TTN: variants seen among roughly 807,000 people sequenced by gnomAD.
TTN encodes the protein connectin.
Under a neutral mutation model 3,223.0 loss-of-function variants are expected in TTN, and 1,525 were observed. The observed-to-expected ratio is 0.47, with a 90% CI of 0.45 to 0.49. The LOEUF is 0.49. Among genes scored for constraint, TTN ranks in the 20% least tolerant of loss-of-function variants. The probability of loss-of-function intolerance (pLI) is 0.00; values close to 1 mark genes in which losing one functional copy is unlikely to be tolerated. For synonymous variants in TTN, 14,094 were observed against 15,161.0 expected, an observed-to-expected ratio of 0.93 and a Z score of 5.17; for missense variants, 40,786 against 43,424.0, an observed-to-expected ratio of 0.94 and a Z score of 5.40.
intron 49 of TTN, 93 bp from the exon 50 acceptor site, chr2:178,736,167 T>C (rs1461853435): frequency 1.7e-6 from 2 of 1,161,916 alleles, no homozygotes; most frequent in African/African-American, 3.1e-5. Context: ...ATGAGTTAAG[T>C]CTTTAGATAG....
chr2:178,597,046 A>C (rs28715837), intron 294 of TTN, among the ~76,000 whole-genome samples: 6,101 of 152,240 alleles, frequency 0.04, 315 homozygotes, highest in South Asian at 0.16. Flanking sequence ...AATGGTCAGC[A>C]CTGGCAAATT....
At chr2:178,743,750 A>G (rs2082919826) in intron 47 of TTN, among the ~76,000 whole-genome samples, 1 of 152,006 alleles carries the variant, frequency 6.6e-6, no homozygotes, top group Non-Finnish European at 1.5e-5. Flanking sequence ...GACTAAGTGC[A>G]GAATAAATCT....
At chr2:178,632,084 T>C in intron 236 of TTN, 63 bp downstream of exon 236, 1 of 1,470,544 alleles carries the variant, frequency 6.8e-7, no homozygotes, top group Non-Finnish European at 9.0e-7. Flanking sequence ...TTTTATAGAA[T>C]AGATACTCCA....
intron 239 of TTN, among the ~76,000 whole-genome samples, chr2:178,629,754 A>G (rs1169462496): frequency 1.3e-5 from 2 of 152,090 alleles, no homozygotes; most frequent in Non-Finnish European, 2.9e-5. Context: ...AAAATAACTA[A>G]GACTCTGATT....
In TTN at chr2:178,783,049, T is replaced by G; in HGVS notation, c.2857A>C (p.Thr953Pro). 1.6e-5 allele frequency: 26 copies of G among 1,614,080 alleles called. No homozygotes were observed. Among genetic ancestry groups the G allele is most frequent in the Non-Finnish European group, 2.2e-5 (26 of 1,179,976 alleles). ...PTLVSGLKNV[T>P]VIEGESVTLE... ...GTGACAGATTCACCTTCTATGACAG[T>G]CACATTTTTTAAGCCCTGAAGAGAG... The change falls in exon 18 of 363, where the codon ACT becomes CCT. Residue 953 changes from threonine (T) to proline (P), a missense_variant. Transcript: ENST00000589042.
Position 178,618,282 on chromosome 2 carries a change from C to G in TTN, c.47176G>C (p.Val15726Leu). 6.2e-7 allele frequency: 1 copy of G among 1,612,752 alleles called. No individual in the cohort carries two copies. The highest frequency in any genetic ancestry group is 8.5e-7 in the Non-Finnish European group (1 of 1,179,142). ...FTVTGLQKGG[V>L]EYLFRVSARN... ...GCACTCACACGGAATAGGTACTCAA[C>G]TCCTCCTTTCTGTAGACCAGTGACA... Residue 15726 changes from valine (V) to leucine (L), a missense_variant, in exon 252 of 363, where the codon GTT becomes CTT. Val to Leu is a conservative substitution (Grantham distance 32). Transcript: ENST00000589042.
chr2:178,652,602 T>C, intron 201 of TTN, 51 bp downstream of exon 201: 3 of 1,612,146 alleles, frequency 1.9e-6, no homozygotes, highest in Non-Finnish European at 2.5e-6. Context: ...AAAAATATTT[T>C]CAAGAGTAGA....
At chr2:178,545,773 T>A in intron 343 of TTN, 47 bp downstream of exon 343, 1 of 1,600,592 alleles carries the variant, frequency 6.2e-7, no homozygotes, top group Admixed American at 1.7e-5. Context: ...TCCCCCTGAT[T>A]CTATTACATT....
Position 178,562,965 on chromosome 2 carries a change from C to G in TTN, c.83167G>C (p.Glu27723Gln), listed in dbSNP as rs1223945642. Residue 27723 changes from glutamate (E) to glutamine (Q), a missense_variant, in exon 326 of 363, where the codon GAG becomes CAG. Glu to Gln is a conservative substitution (Grantham distance 29, BLOSUM62 2). Coordinates refer to ENST00000589042, the MANE Select transcript of TTN (RefSeq NM_001267550.2). ...EGILTDRAQI[E>Q]VTSSFTMLVI... ...AACATTGTAAATGAGCTGGTCACCT[C>G]TATCTGAGCCCTGTCAGTGAGAATG... 1.2e-6 allele frequency: 2 copies of G among 1,613,700 alleles called. No individual in the cohort carries two copies. Among genetic ancestry groups the G allele is most frequent in the South Asian group, 2.2e-5 (2 of 91,076 alleles).
Position 178,684,918 on chromosome 2 carries a change from G to A in TTN, c.32542C>T (p.Pro10848Ser), listed in dbSNP as rs368286625. 7 of 1,606,910 alleles carry A rather than the reference G, an allele frequency of 4.4e-6. No homozygotes were observed. The African/African-American group carries it at 5.4e-5, about 12-fold the overall frequency. ...PAPVPKKEKV[P>S]PPKVPEEPKK... ...AAATCCAATATACCTTTAGGTGGGG[G>A]CACCTTTTCCTTTTTAGGAACTGGA... is the stretch of plus-strand genomic sequence containing the variant. The change falls in exon 130 of 363, where the codon CCC (proline) becomes TCC (serine). Residue 10848 changes from proline (P) to serine (S), a missense_variant. Physicochemically the swap from Pro to Ser is moderately conservative, Grantham distance 74 (BLOSUM62 -1). Transcript: ENST00000589042.
At position 178,571,864 on chromosome 2, in the gene TTN, C is replaced by T. The variant is rs1396510691; in HGVS notation, c.74268G>A (p.Leu24756=). The T allele has an allele frequency of 1.2e-6, 2 of 1,613,430 alleles. No homozygotes were observed. Among genetic ancestry groups the T allele is most frequent in the African/African-American group, 2.7e-5 (2 of 74,906 alleles). Residue 24756 remains leucine, a synonymous_variant, in exon 326 of 363, where the codon CTG becomes CTA. Coordinates refer to ENST00000589042, the MANE Select transcript of TTN (RefSeq NM_001267550.2). ...CTGCATTTACTCTAGTTGTCTGCTT[C>T]AGTGGTACATTATCTTTATGCCAGG... The part of the protein sequence containing the change: ...AVTWHKDNVP[L]KQTTRVNAES...
At position 178,589,713 on chromosome 2, in the gene TTN, T is replaced by C; in HGVS notation, c.62012A>G (p.Glu20671Gly). The part of the protein sequence containing the change: ...LAINPIDRPG[E>G]PENLHIADKG... Reference sequence around the variant, plus strand: ...ATCTGCAATGTGAAGGTTTTCAGGCTCACCTGGTCTGTCAATAGGGTTAAT... The same window carrying C: ...ATCTGCAATGTGAAGGTTTTCAGGCCCACCTGGTCTGTCAATAGGGTTAAT... Residue 20671 changes from glutamate (E) to glycine (G), a missense_variant, in exon 304 of 363, where the codon GAG becomes GGG. By Grantham distance (98) the Glu-to-Gly change is moderately conservative. Coordinates refer to ENST00000589042, the MANE Select transcript of TTN (RefSeq NM_001267550.2). 1 of 1,613,574 alleles carries C rather than the reference T, an allele frequency of 6.2e-7. No homozygotes were observed. The highest frequency in any genetic ancestry group is 8.5e-7 in the Non-Finnish European group (1 of 1,179,620).
intron 41 of TTN, among the ~76,000 whole-genome samples, chr2:178,765,906 A>AGAGGATCGAGTTCCACATTGCCT (rs2090302122): frequency 1.3e-5 from 2 of 152,144 alleles, no homozygotes; most frequent in East Asian, 3.9e-4. Context: ...CTTGGGGTAG[A>AGAGGATCGAGTTCCACATTGCCT]GAGGATCGAG....
chr2:178,628,484 A>G (rs191128887), intron 240 of TTN, among the ~76,000 whole-genome samples: 1 of 152,176 alleles, frequency 6.6e-6, no homozygotes, highest in East Asian at 1.9e-4. Context: ...TTAATGATGG[A>G]TTGTCAAGAT....
chr2:178,802,278 G>C lies in TTN; in HGVS notation c.155C>G (p.Pro52Arg), dbSNP rs761625399. 4 of 1,614,146 alleles carry C rather than the reference G, an allele frequency of 2.5e-6. No homozygotes were observed. Among genetic ancestry groups the C allele is most frequent in the Non-Finnish European group, 3.4e-6 (4 of 1,180,014 alleles). Residue 52 changes from proline to arginine, a missense_variant, in exon 3 of 363, where the codon CCC (proline) becomes CGC (arginine). Pro to Arg is a moderately radical substitution (Grantham distance 103). Transcript: ENST00000589042. Reference sequence around the variant, plus strand: ...ATCGCTAAAGGAGATCTGCACGCCGGGCAGAGTGGAAGTGGAAATCACCTG... The same window carrying C: ...ATCGCTAAAGGAGATCTGCACGCCGCGCAGAGTGGAAGTGGAAATCACCTG... ...DGQVISTSTL[P>R]GVQISFSDGR... is the part of the protein sequence containing the mutation.
Position 178,582,345 on chromosome 2 carries a change from T to C in TTN, c.66111A>G (p.Gly22037=), listed in dbSNP as rs1400343393. ...QFRICAENKY[G]VGDPVFTEPA... ...GTTCAGTGAAGACTGGATCGCCTAC[T>C]CCATATTTATTTTCAGCACAAATAC... Residue 22037 remains glycine, a synonymous_variant, in exon 314 of 363, where the codon GGA becomes GGG. Transcript: ENST00000589042. 6.2e-7 allele frequency: 1 copy of C among 1,608,640 alleles called. No individual in the cohort carries two copies. Among genetic ancestry groups the C allele is most frequent in the Non-Finnish European group, 8.5e-7 (1 of 1,176,908 alleles).
Position 178,530,334 on chromosome 2 carries a change from C to T in TTN, c.106281G>A (p.Gln35427=). 6.2e-7 allele frequency: 1 copy of T among 1,613,932 alleles called. No homozygotes were observed. Among genetic ancestry groups the T allele is most frequent in the Non-Finnish European group, 8.5e-7 (1 of 1,179,870 alleles). Reference sequence around the variant, plus strand: ...CACTGTCTGAAGAAACAGTTGTATCCTGCAACCCAGTAACAATTACTGGTT... The same window carrying T: ...CACTGTCTGAAGAAACAGTTGTATCTTGCAACCCAGTAACAATTACTGGTT... ...SSKPVIVTGL[Q]DTTVSSDSVA... The change falls in exon 358 of 363, where the codon CAG becomes CAA. Residue 35427 remains glutamine (Q), a synonymous_variant. Coordinates refer to ENST00000589042, the MANE Select transcript of TTN (RefSeq NM_001267550.2).
chr2:178,745,179 A>G, intron 47 of TTN: 1 of 999,484 alleles, frequency 1.0e-6, no homozygotes, highest in Non-Finnish European at 1.2e-6. Flanking sequence ...TGCCCTTACC[A>G]ATTTGTCTGC....
In TTN at chr2:178,709,868, T is replaced by G; in HGVS notation, c.28463-12A>C. 1 of 1,603,440 alleles carries G rather than the reference T, an allele frequency of 6.2e-7. No individual in the cohort carries two copies. Among genetic ancestry groups the G allele is most frequent in the Non-Finnish European group, 8.5e-7 (1 of 1,174,014 alleles). On this transcript the variant is annotated splice_polypyrimidine_tract_variant and intron_variant, in intron 98 of 362. Coordinates refer to ENST00000589042, the MANE Select transcript of TTN (RefSeq NM_001267550.2). ...TGGGATGAGCCGCTCTATAAGAAATTGCAAGGATATATGAAGTAGAAGCTA... is the reference window on the plus strand; with the variant it reads ...TGGGATGAGCCGCTCTATAAGAAATGGCAAGGATATATGAAGTAGAAGCTA...
Sources: gnomAD v4.1 joint callset for allele counts (sites outside exome capture counted in the v4.1 genomes callset) on GRCh38, gnomAD v4.1.1 for gene constraint, MANE v1.5 for transcripts, NCBI Gene and HGNC (gene_info 2026-07-23, HGNC 2026-07-21) for gene names.